AP2A2: variants seen among roughly 807,000 people sequenced by gnomAD.
AP2A2 encodes adaptor related protein complex 2 subunit alpha 2.
AP2A2 carries 32 observed loss-of-function variants against 104.2 expected under a neutral mutation model. That is an observed-to-expected ratio of 0.31 (90% CI 0.23 to 0.41). The LOEUF (loss-of-function observed/expected upper bound fraction) is 0.41. Among genes scored for constraint, AP2A2 ranks in the 10% least tolerant of loss-of-function variants. AP2A2 has a pLI of 1.00. For synonymous variants in AP2A2, 539 were observed against 533.3 expected (o/e 1.01, Z -0.15); for missense variants, 912 against 1,261.0 (o/e 0.72, Z 4.19).
At chr11:1,010,058 C>A in intron 21 of AP2A2, 2 of 540,866 alleles carry the variant, frequency 3.7e-6, no homozygotes, top group South Asian at 5.0e-5. Flanking sequence ...AACCACCACC[C>A]TGTCAATACA....
intron 1 of AP2A2, among the ~76,000 whole-genome samples, chr11:950,691 G>A (rs114356006): frequency 0.02 from 3,018 of 152,178 alleles, 106 homozygotes; most frequent in African/African-American, 0.069. Context: ...AGGTGAAATG[G>A]CAACCTGAGA....
chr11:1,000,679 A>G (rs1214496507), intron 15 of AP2A2, 81 bp downstream of exon 15: 4 of 1,415,742 alleles, frequency 2.8e-6, no homozygotes, highest in Non-Finnish European at 3.8e-6. Flanking sequence ...GGCCAGCTGG[A>G]CAGAGGTGGG....
intron 6 of AP2A2, among the ~76,000 whole-genome samples, chr11:982,706 A>T (rs1204159691): frequency 1.3e-5 from 2 of 150,696 alleles, no homozygotes; most frequent in Non-Finnish European, 2.9e-5. Flanking sequence ...GTTGGAGTGC[A>T]GTGGTACGAT....
chr11:998,884 G>A (rs1855941889), intron 14 of AP2A2, among the ~76,000 whole-genome samples: 1 of 152,132 alleles, frequency 6.6e-6, no homozygotes, highest in South Asian at 2.1e-4. Flanking sequence ...AGTAGAGACG[G>A]GGTTTCACCA....
chr11:957,980 C>A (rs543587415), intron 1 of AP2A2, among the ~76,000 whole-genome samples: 2 of 152,350 alleles, frequency 1.3e-5, no homozygotes, highest in African/African-American at 2.4e-5. Context: ...ATGCATCAGT[C>A]CGTCTTTAAG....
intron 14 of AP2A2, chr11:995,252 G>A (rs1277833466): frequency 2.2e-6 from 1 of 454,398 alleles, no homozygotes; most frequent in Non-Finnish European, 4.4e-6. Context: ...GTTTTATGTA[G>A]TGAGTTGGGT....
At chr11:967,810 C>A (rs958137137) in intron 2 of AP2A2, among the ~76,000 whole-genome samples, 3 of 152,106 alleles carry the variant, frequency 2.0e-5, no homozygotes, top group Non-Finnish European at 2.9e-5. Flanking sequence ...ATGAGGTTTT[C>A]CAGCCATCTC....
At position 984,660 on chromosome 11, in the gene AP2A2, T is replaced by C; in HGVS notation, c.721T>C (p.Ser241Pro). ...TGTCTTACAGATCGTGACGTCTGCA[T>C]CCACAGATCTCCAGGATTACACTTA... ...SRLSRIVTSA[S>P]TDLQDYTYYF... Residue 241 changes from serine to proline, a missense_variant, in exon 7 of 22, where the codon TCC becomes CCC. Ser to Pro is a moderately conservative substitution (Grantham distance 74). Around this residue, in one of 7 missense-constraint regions of AP2A2, gnomAD observed 350 missense variants for 487.0 expected, o/e 0.72. Transcript: ENST00000448903. 1 of 1,612,828 alleles carries C rather than the reference T, an allele frequency of 6.2e-7. No homozygotes were observed. The highest frequency in any genetic ancestry group is 8.5e-7 in the Non-Finnish European group (1 of 1,178,992).
In AP2A2 at chr11:1,011,776, C is replaced by T. The variant is rs531772595; in HGVS notation, c.*1151C>T. On this transcript the variant is annotated 3_prime_UTR_variant, in exon 22 of 22. Coordinates refer to ENST00000448903, the MANE Select transcript of AP2A2 (RefSeq NM_012305.4). ...GCCACATGTGCTTGAGGGTTTTCAC[C>T]CTGGCCCTCAGTTGCCTGCTGTGCG... 1.6e-5 allele frequency: 5 copies of T among 314,472 alleles called. No individual in the cohort carries two copies. The East Asian group carries it at 2.7e-4, about 17-fold the overall frequency. The allele number at this position is 314,472 out of a possible 1,614,324, so 19.5% of individuals were successfully genotyped here.
chr11:987,935 C>T (rs1235843856), intron 9 of AP2A2, among the ~76,000 whole-genome samples: 3 of 152,360 alleles, frequency 2.0e-5, no homozygotes, highest in South Asian at 4.1e-4. Flanking sequence ...GCAAGGGGCT[C>T]GTGGTGGGCA....
chr11:1,007,692 A>G, intron 17 of AP2A2: 1 of 423,590 alleles, frequency 2.4e-6, no homozygotes, highest in Non-Finnish European at 4.3e-6. Flanking sequence ...ACTAAGCACC[A>G]GTTTCTGCTA....
chr11:951,109 A>T (rs1419300319), intron 1 of AP2A2, among the ~76,000 whole-genome samples: 1 of 151,460 alleles, frequency 6.6e-6, no homozygotes, highest in Admixed American at 6.6e-5. Flanking sequence ...AAAAAAATTG[A>T]TGAAGTATTA....
At chr11:996,475 T>C (rs1855861620) in intron 14 of AP2A2, among the ~76,000 whole-genome samples, 1 of 152,214 alleles carries the variant, frequency 6.6e-6, no homozygotes. Context: ...ATTTGATGTT[T>C]CTTTTTAATG....
intron 2 of AP2A2, 42 bp downstream of exon 2, chr11:959,547 AT>A: frequency 1.5e-6 from 2 of 1,340,990 alleles, no homozygotes; most frequent in Non-Finnish European, 2.1e-6. Flanking sequence ...CCTGTTGTAA[AT>A]TTTCTGTAGT....
chr11:1,001,656 G>A (rs1198285375), intron 15 of AP2A2, among the ~76,000 whole-genome samples: 3 of 152,118 alleles, frequency 2.0e-5, no homozygotes, highest in African/African-American at 7.2e-5. Context: ...TAGAGTCGCT[G>A]TGTTTGAGAT....
chr11:964,412 A>G (rs1723728899), intron 2 of AP2A2, among the ~76,000 whole-genome samples: 1 of 152,120 alleles, frequency 6.6e-6, no homozygotes, highest in Admixed American at 6.5e-5. Flanking sequence ...CATTTTAGAT[A>G]ATAAAAATTG....
At chr11:979,482 C>T (rs1855167500) in intron 5 of AP2A2, among the ~76,000 whole-genome samples, 1 of 152,060 alleles carries the variant, frequency 6.6e-6, no homozygotes, top group Non-Finnish European at 1.5e-5. Context: ...GGGGAGAGTG[C>T]CGTGCTATAG....
rs959591236 is a variant in AP2A2 at position 988,829 on chromosome 11, C to CT, written c.1269+141dup. On this transcript the variant is annotated intron_variant, in intron 10 of 21. Coordinates refer to ENST00000448903, the MANE Select transcript of AP2A2 (RefSeq NM_012305.4). The stretch of plus-strand genomic sequence containing the variant: ...TGCTGAATACAAGGCTCCTCTGCCT[C>CT]TGTGTTTTCATCCACATTTTCAAGC... 4.4e-6 allele frequency: 5 copies of CT among 1,141,100 alleles called. No homozygotes were observed. The Admixed American group carries it at 1.2e-4, about 26-fold the overall frequency. 70.7% of individuals were successfully genotyped at this position (1,141,100 alleles called of 1,614,324 possible). A position where few individuals can be genotyped will look rare whatever the true frequency, so the allele number is the denominator to read the frequency against.
At chr11:947,701 G>A (rs772565414) in intron 1 of AP2A2, among the ~76,000 whole-genome samples, 5 of 151,920 alleles carry the variant, frequency 3.3e-5, no homozygotes, top group African/African-American at 7.3e-5. Context: ...GGCTCACGCC[G>A]CCTGTAATCC....
Sources: gnomAD v4.1 joint callset for allele counts (sites outside exome capture counted in the v4.1 genomes callset) on GRCh38, gnomAD v4.1.1 for gene constraint, gnomAD v4.1.1 regional missense constraint, MANE v1.5 for transcripts, NCBI Gene and HGNC (gene_info 2026-07-23, HGNC 2026-07-21) for gene names.